Variants in MAML3 observed in about 807,000 individuals in gnomAD.
MAML3 encodes mastermind like transcriptional coactivator 3.
In MAML3, 27 loss-of-function variants were observed where a neutral mutation model predicts 101.9. The ratio of observed to expected loss-of-function variants is 0.27; its 90% CI spans 0.20 to 0.37. MAML3 has a LOEUF of 0.37. MAML3 is among the 10% of genes least tolerant of loss of function. MAML3 has a pLI of 1.00. For synonymous variants in MAML3, 501 were observed against 555.9 expected (o/e 0.90, Z 1.39); for missense variants, 1,316 against 1,444.9 (o/e 0.91, Z 1.45).
At chr4:140,105,838 T>G (rs1355316306) in intron 1 of MAML3, among the ~76,000 whole-genome samples, 4 of 152,026 alleles carry the variant, frequency 2.6e-5, no homozygotes, top group Admixed American at 2.0e-4. Context: ...GGGATCCTGG[T>G]GTGCAAATCA....
At position 140,091,550 on chromosome 4, in the gene MAML3, A is replaced by C. The variant is rs563972566; in HGVS notation, c.468+61310T>G. Among the ~76,000 whole-genome samples, 364 of 149,474 alleles carry C rather than the reference A, an allele frequency of 2.4e-3. 15 individuals carry two copies. The highest frequency in any genetic ancestry group is 8.6e-3 in the African/African-American group (351 of 40,912). ...AAAACAACAAAACAAAAACAAAACA[A>C]AAAAAAAAAACAGGACCAAGGACCA... On this transcript the variant is annotated intron_variant, in intron 1 of 4. Coordinates refer to ENST00000509479, the MANE Select transcript of MAML3 (RefSeq NM_018717.5).
intron 4 of MAML3, among the ~76,000 whole-genome samples, 174 bp from the exon 5 acceptor site, chr4:139,720,497 G>A (rs1728191624): frequency 6.6e-6 from 1 of 152,166 alleles, no homozygotes; most frequent in Non-Finnish European, 1.5e-5. Context: ...TATGCTGATT[G>A]TGAAAATTTT....
intron 2 of MAML3, among the ~76,000 whole-genome samples, chr4:139,812,924 T>A (rs1578613120): frequency 8.8e-5 from 6 of 68,248 alleles, no homozygotes; most frequent in East Asian, 4.0e-4. Context: ...AAGTAGAAAA[T>A]AAAAGCAACA....
At chr4:140,006,820 T>C (rs1246427693) in intron 1 of MAML3, among the ~76,000 whole-genome samples, 1 of 152,000 alleles carries the variant, frequency 6.6e-6, no homozygotes, top group African/African-American at 2.4e-5. Flanking sequence ...TAAAAAATAA[T>C]AATAGCAAAG....
intron 1 of MAML3, among the ~76,000 whole-genome samples, chr4:139,994,366 C>G (rs868727490): frequency 2.6e-5 from 4 of 152,112 alleles, no homozygotes; most frequent in Non-Finnish European, 5.9e-5. Flanking sequence ...ATTGTTTGTT[C>G]TTTATAATAG....
intron 1 of MAML3, among the ~76,000 whole-genome samples, chr4:140,087,809 G>A (rs1268473333): frequency 6.6e-6 from 1 of 152,130 alleles, no homozygotes; most frequent in Non-Finnish European, 1.5e-5. Flanking sequence ...TGTCATAGGT[G>A]GAGGAAGGGG....
chr4:140,060,365 C>CAAAAAAAAAAAAAAAAAAAAAAAAAAA lies in MAML3; in HGVS notation c.468+92494_468+92495insTTTTTTTTTTTTTTTTTTTTTTTTTTT, dbSNP rs70943471. ...TGGGCGACAGAGTAAGACTCTGTCT[C>CAAAAAAAAAAAAAAAAAAAAAAAAAAA]AAAAAAAAAAAAAAAAAAAAGTCAC... On this transcript the variant is annotated intron_variant, in intron 1 of 4. Coordinates refer to ENST00000509479, the MANE Select transcript of MAML3 (RefSeq NM_018717.5). 1.6e-4 allele frequency among the ~76,000 whole-genome samples: 3 copies of CAAAAAAAAAAAAAAAAAAAAAAAAAAA among 19,122 alleles called. 1 individual carries two copies. Among genetic ancestry groups the CAAAAAAAAAAAAAAAAAAAAAAAAAAA allele is most frequent in the Non-Finnish European group, 1.9e-4 (2 of 10,742 alleles). 12.5% of individuals were successfully genotyped at this position (19,122 alleles called of 152,430 possible). A position where few individuals can be genotyped will look rare whatever the true frequency, so the allele number is the denominator to read the frequency against.
chr4:140,010,312 G>C (rs573341076), intron 1 of MAML3, among the ~76,000 whole-genome samples: 4 of 152,196 alleles, frequency 2.6e-5, no homozygotes, highest in African/African-American at 9.6e-5. Context: ...GTTTTGACTG[G>C]GGTGACTGGA....
chr4:139,836,652 C>T (rs1430621684), intron 2 of MAML3, among the ~76,000 whole-genome samples: 1 of 152,018 alleles, frequency 6.6e-6, no homozygotes, highest in Non-Finnish European at 1.5e-5. Flanking sequence ...GGCGAGGGGC[C>T]TTTCTGGCTT....
At chr4:139,835,563 C>T (rs1202326549) in intron 2 of MAML3, among the ~76,000 whole-genome samples, 1 of 152,106 alleles carries the variant, frequency 6.6e-6, no homozygotes, top group African/African-American at 2.4e-5. Context: ...ACTATACAGA[C>T]TGGAAAAATA....
chr4:140,074,056 C>T (rs548553479), intron 1 of MAML3, among the ~76,000 whole-genome samples: 5 of 151,670 alleles, frequency 3.3e-5, no homozygotes, highest in South Asian at 2.1e-4. Flanking sequence ...AGCTTAAACA[C>T]GGGAGGTGGA....
At position 139,727,228 on chromosome 4, in the gene MAML3, C is replaced by A. The variant is rs143877922; in HGVS notation, c.2332-1393G>T. Among the ~76,000 whole-genome samples the A allele has an allele frequency of 1.7e-3, 252 of 152,308 alleles. 2 individuals carry two copies. Among genetic ancestry groups the A allele is most frequent in the African/African-American group, 5.5e-3 (228 of 41,560 alleles). ...CAGCCTCTGACTCGTTGACCCCATC[C>A]CATGGTTCCTACCATAATGTTCTAC... is the stretch of plus-strand genomic sequence containing the variant. On this transcript the variant is annotated intron_variant, in intron 3 of 4. Transcript: ENST00000509479.
At chr4:139,830,477 C>A (rs1379280274) in intron 2 of MAML3, among the ~76,000 whole-genome samples, 1 of 138,354 alleles carries the variant, frequency 7.2e-6, no homozygotes, top group African/African-American at 2.8e-5. Context: ...TGCAGTGGTG[C>A]GATCTCGGCT....
intron 2 of MAML3, among the ~76,000 whole-genome samples, chr4:139,830,647 C>T (rs1410011057): frequency 1.3e-5 from 2 of 152,016 alleles, no homozygotes; most frequent in African/African-American, 4.8e-5. Flanking sequence ...ATCTCCTGAC[C>T]TCGTGATCCG....
chr4:140,109,952 A>C (rs1728412712), intron 1 of MAML3, among the ~76,000 whole-genome samples: 1 of 152,156 alleles, frequency 6.6e-6, no homozygotes, highest in Non-Finnish European at 1.5e-5. Flanking sequence ...CCACCATATA[A>C]TGCTCTTCAA....
chr4:139,889,407 C>G lies in MAML3; in HGVS notation c.2029G>C (p.Gly677Arg), dbSNP rs777969780. ...TAAGCCATGGGCTGATTCATCACTC[C>G]TTTCTGCTTCATGAGAAGCAGGCGT... ...QKRLLLMKQKGVMNQPMAYAA... is the reference protein window; with the variant it reads ...QKRLLLMKQKRVMNQPMAYAA... The change falls in exon 2 of 5, where the codon GGA becomes CGA. Residue 677 changes from glycine to arginine, a missense_variant. Coordinates refer to ENST00000509479, the MANE Select transcript of MAML3 (RefSeq NM_018717.5). The G allele has an allele frequency of 6.2e-7, 1 of 1,614,040 alleles. No homozygotes were observed.
intron 2 of MAML3, among the ~76,000 whole-genome samples, chr4:139,793,527 C>A (rs1730459160): frequency 6.6e-6 from 1 of 152,174 alleles, no homozygotes; most frequent in Non-Finnish European, 1.5e-5. Flanking sequence ...CTGGAATCGA[C>A]TCATTTCAGT....
chr4:139,992,704 T>C (rs1019971277), intron 1 of MAML3, among the ~76,000 whole-genome samples: 1 of 152,134 alleles, frequency 6.6e-6, no homozygotes, highest in Admixed American at 6.5e-5. Flanking sequence ...ACTACAGGCA[T>C]GCACCACCAT....
chr4:139,838,554 G>A (rs1276827387), intron 2 of MAML3, among the ~76,000 whole-genome samples: 1 of 152,078 alleles, frequency 6.6e-6, no homozygotes, highest in East Asian at 1.9e-4. Flanking sequence ...TTAGTAAAAT[G>A]CATTTCTGAG....
Sources: gnomAD v4.1 joint callset for allele counts (sites outside exome capture counted in the v4.1 genomes callset) on GRCh38, gnomAD v4.1.1 for gene constraint, MANE v1.5 for transcripts, NCBI Gene and HGNC (gene_info 2026-07-23, HGNC 2026-07-21) for gene names.